EIF2B4: variants seen among roughly 807,000 people sequenced by gnomAD.
EIF2B4 encodes translation initiation factor eIF2B subunit delta.
Under a neutral mutation model 66.7 loss-of-function variants are expected in EIF2B4, and 34 were observed. That is an observed-to-expected ratio of 0.51 (90% CI 0.39 to 0.68). The LOEUF is 0.68. Among genes scored for constraint, EIF2B4 ranks in the 30% least tolerant of loss-of-function variants. EIF2B4 has a pLI of 0.00. For synonymous variants in EIF2B4, 278 were observed against 253.6 expected, an observed-to-expected ratio of 1.10 and a Z score of -0.92; for missense variants, 618 against 657.9, an observed-to-expected ratio of 0.94 and a Z score of 0.66.
At chr2:27,366,643 C>T (rs1681883514) in intron 11 of EIF2B4, 116 bp downstream of exon 11, 1 of 1,258,578 alleles carries the variant, frequency 7.9e-7, no homozygotes, top group Non-Finnish European at 1.2e-6. Context: ...CACGTCGCTG[C>T]ACTCCATCCT....
chr2:27,364,501 C>T lies in EIF2B4; in HGVS notation c.1471G>A (p.Val491Met), dbSNP rs771128051. 1 of 1,614,202 alleles carries T rather than the reference C, an allele frequency of 6.2e-7. No individual in the cohort carries two copies. The highest frequency in any genetic ancestry group is 8.5e-7 in the Non-Finnish European group (1 of 1,180,044). Reference sequence around the variant, plus strand: ...AGATCCACAAGCTCTGGGGGAGTCACATCATAGACTAGATTCAACAACCGT... The same window carrying T: ...AGATCCACAAGCTCTGGGGGAGTCATATCATAGACTAGATTCAACAACCGT... Reference protein sequence around the residue: ...SLRLLNLVYDVTPPELVDLVI... With the variant: ...SLRLLNLVYDMTPPELVDLVI... Residue 491 changes from valine to methionine, a missense_variant, in exon 13 of 13, where the codon GTG becomes ATG. Around this residue, in one of 4 missense-constraint regions of EIF2B4, gnomAD observed 63 missense variants for 47.5 expected, o/e 1.33. Coordinates refer to ENST00000347454, the MANE Select transcript of EIF2B4 (RefSeq NM_001034116.2).
At position 27,366,835 on chromosome 2, in the gene EIF2B4, G is replaced by A; in HGVS notation, c.1115C>T (p.Thr372Ile). Residue 372 changes from threonine to isoleucine, a missense_variant, in exon 11 of 13, where the codon ACA (threonine) becomes ATA (isoleucine). By Grantham distance (89) the Thr-to-Ile change is moderately conservative (BLOSUM62 -1). Transcript: ENST00000347454. ...ACCAGCATGGACTAGAGAACGTAGT[G>A]TGTGCCTTCCTTCCAGCCATGGCCG... ...DSRPWLEGRH[T>I]LRSLVHAGVP... The A allele has an allele frequency of 1.9e-6, 3 of 1,614,222 alleles. No homozygotes were observed. The highest frequency in any genetic ancestry group is 2.2e-5 in the East Asian group (1 of 44,888).
intron 1 of EIF2B4, 77 bp downstream of exon 1, chr2:27,370,207 G>A: frequency 6.5e-7 from 1 of 1,538,728 alleles, no homozygotes; most frequent in Non-Finnish European, 8.7e-7. Flanking sequence ...GGGCCCAAAG[G>A]CGCTCAAGGC....
At chr2:27,368,317 T>C in intron 6 of EIF2B4, 55 bp downstream of exon 6, 1 of 1,509,038 alleles carries the variant, frequency 6.6e-7, no homozygotes, top group Non-Finnish European at 9.2e-7. Flanking sequence ...CTTTCAATAC[T>C]GACTTACTAA....
Position 27,369,933 on chromosome 2 carries a change from C to T in EIF2B4, c.32-14G>A. 9 of 1,579,304 alleles carry T rather than the reference C, an allele frequency of 5.7e-6. No individual in the cohort carries two copies. Among genetic ancestry groups the T allele is most frequent in the Non-Finnish European group, 7.7e-6 (9 of 1,162,806 alleles). On this transcript the variant is annotated splice_polypyrimidine_tract_variant and intron_variant, in intron 1 of 12. Coordinates refer to ENST00000347454, the MANE Select transcript of EIF2B4 (RefSeq NM_001034116.2). ...CGGATCCCGAGTCTGCATCAGAAAA[C>T]AGGGCACAAAGTGAGCCAGAGAGAC... is the stretch of plus-strand genomic sequence containing the variant.
Position 27,367,487 on chromosome 2 carries a change from G to A in EIF2B4, c.855C>T (p.Thr285=). 6.2e-7 allele frequency: 1 copy of A among 1,614,054 alleles called. No homozygotes were observed. Among genetic ancestry groups the A allele is most frequent in the Non-Finnish European group, 8.5e-7 (1 of 1,180,028 alleles). Residue 285 remains threonine (T), a synonymous_variant, in exon 9 of 13, where the codon ACC becomes ACT. Coordinates refer to ENST00000347454, the MANE Select transcript of EIF2B4 (RefSeq NM_001034116.2). ...CTTCCCGCTTGGAACTGCCCACACT[G>A]GTGATTTCCTTGTTAAGGAACTTGA... ...NAIKFLNKEI[T]SVGSSKREEE...
chr2:27,367,516 CGTT>C lies in EIF2B4; in HGVS notation c.823_825del (p.Asn275del). 6.2e-7 allele frequency: 1 copy of C among 1,614,100 alleles called. No individual in the cohort carries two copies. Among genetic ancestry groups the C allele is most frequent in the South Asian group, 1.1e-5 (1 of 91,078 alleles). Reference sequence around the variant, plus strand: ...ATTTCCTTGTTAAGGAACTTGATGGCGTTGTGCATGCTCGCTGACAGGGGACGG... The same window carrying C: ...ATTTCCTTGTTAAGGAACTTGATGGCGTGCATGCTCGCTGACAGGGGACGG... On this transcript the variant is annotated inframe_deletion, in exon 9 of 13. Coordinates refer to ENST00000347454, the MANE Select transcript of EIF2B4 (RefSeq NM_001034116.2).
chr2:27,364,646 T>C (rs765643750), intron 12 of EIF2B4, 47 bp from the exon 13 acceptor site: 7 of 1,614,144 alleles, frequency 4.3e-6, no homozygotes, highest in Non-Finnish European at 4.2e-6. Flanking sequence ...AAAGAAGTTC[T>C]AGTTTATCCG....
chr2:27,364,506 T>C lies in EIF2B4; in HGVS notation c.1466A>G (p.Tyr489Cys). Residue 489 changes from tyrosine to cysteine, a missense_variant, in exon 13 of 13, where the codon TAT (tyrosine) becomes TGT (cysteine). Physicochemically the swap from Tyr to Cys is radical, Grantham distance 194. Around this residue, in one of 4 missense-constraint regions of EIF2B4, gnomAD observed 63 missense variants for 47.5 expected, o/e 1.33. Coordinates refer to ENST00000347454, the MANE Select transcript of EIF2B4 (RefSeq NM_001034116.2). ...HASLRLLNLV[Y>C]DVTPPELVDL... is the part of the protein sequence containing the mutation. ...CACAAGCTCTGGGGGAGTCACATCATAGACTAGATTCAACAACCGTAGGGA... is the reference window on the plus strand; with the variant it reads ...CACAAGCTCTGGGGGAGTCACATCACAGACTAGATTCAACAACCGTAGGGA... 1.9e-6 allele frequency: 3 copies of C among 1,614,176 alleles called. No individual in the cohort carries two copies. Among genetic ancestry groups the C allele is most frequent in the Non-Finnish European group, 1.7e-6 (2 of 1,180,028 alleles).
chr2:27,368,293 C>G (rs1231154939), intron 6 of EIF2B4, 79 bp downstream of exon 6: 30 of 1,418,078 alleles, frequency 2.1e-5, no homozygotes, highest in Non-Finnish European at 2.6e-5. Context: ...GAGTCCATCT[C>G]AGATTACTAG....
chr2:27,369,382 C>T (rs1190814111), intron 3 of EIF2B4, 32 bp downstream of exon 3: 3 of 1,613,752 alleles, frequency 1.9e-6, no homozygotes, highest in Non-Finnish European at 2.5e-6. Context: ...CAGCTCCACA[C>T]CCCAGCCCTT....
chr2:27,367,094 A>G lies in EIF2B4; in HGVS notation c.993T>C (p.Asp331=). 2 of 1,614,230 alleles carry G rather than the reference A, an allele frequency of 1.2e-6. No homozygotes were observed. Among genetic ancestry groups the G allele is most frequent in the Non-Finnish European group, 1.7e-6 (2 of 1,180,050 alleles). Residue 331 remains aspartate (D), a synonymous_variant, in exon 10 of 13, where the codon GAT becomes GAC. Transcript: ENST00000347454. Reference sequence around the variant, plus strand: ...CATACCATCCATATACCAGGATCACATCTCCATTACTGATCTTCTGGTAAG... The same window carrying G: ...CATACCATCCATATACCAGGATCACGTCTCCATTACTGATCTTCTGGTAAG... ...RFAYQKISNG[D]VILVYGCSSL...
At position 27,364,525 on chromosome 2, in the gene EIF2B4, G is replaced by A. The variant is rs113994039; in HGVS notation, c.1447C>T (p.Arg483Trp). The A allele has an allele frequency of 3.1e-6, 5 of 1,614,170 alleles. No individual in the cohort carries two copies. The highest frequency in any genetic ancestry group is 2.2e-5 in the East Asian group (1 of 44,890). Residue 483 changes from arginine to tryptophan, a missense_variant, in exon 13 of 13, where the codon CGG (arginine) becomes TGG (tryptophan). Physicochemically the swap from Arg to Trp is moderately radical, Grantham distance 101. Around this residue, in one of 4 missense-constraint regions of EIF2B4, gnomAD observed 63 missense variants for 47.5 expected, o/e 1.33. Coordinates refer to ENST00000347454, the MANE Select transcript of EIF2B4 (RefSeq NM_001034116.2). ...LANWQNHASL[R>W]LLNLVYDVTP... ...ACATCATAGACTAGATTCAACAACC[G>A]TAGGGATGCGTGGTTCTGCCAGTTA... is the stretch of plus-strand genomic sequence containing the variant.
chr2:27,367,298 A>G (rs147681314), intron 9 of EIF2B4, 97 bp from the exon 10 acceptor site: 16,547 of 1,592,356 alleles, frequency 0.01, 134 homozygotes, highest in Middle Eastern at 0.038. Context: ...TGACAAGCCT[A>G]TAGAGGGCTC....
At chr2:27,367,717 T>C in intron 8 of EIF2B4, 29 bp downstream of exon 8, 1 of 1,600,308 alleles carries the variant, frequency 6.2e-7, no homozygotes, top group Non-Finnish European at 8.6e-7. Flanking sequence ...TTGGGCGAGC[T>C]GGGAGTGGAC....
intron 1 of EIF2B4, 113 bp from the exon 2 acceptor site, chr2:27,370,032 A>G (rs764517220): frequency 1.3e-6 from 2 of 1,512,468 alleles, no homozygotes; most frequent in Non-Finnish European, 1.8e-6. Context: ...ATCCGCCGGC[A>G]GGCGCGAGGC....
Position 27,369,010 on chromosome 2 carries a change from G to C in EIF2B4, c.414C>G (p.Pro138=), listed in dbSNP as rs755723756. ...KASPSTAGET[P]SGVKRLPEYP... is the part of the protein sequence containing the mutation. ...CTTAAAATGAAGGGAAGATACCTGA[G>C]GGGGTTTCTCCAGCTGTGCTGGGGC... The change falls in exon 4 of 13, where the codon CCC becomes CCG. Residue 138 remains proline (P), a synonymous_variant. Coordinates refer to ENST00000347454, the MANE Select transcript of EIF2B4 (RefSeq NM_001034116.2). 1.9e-6 allele frequency: 3 copies of C among 1,614,142 alleles called. No individual in the cohort carries two copies. The East Asian group carries it at 6.7e-5, about 36-fold the overall frequency.
At position 27,364,585 on chromosome 2, in the gene EIF2B4, G is replaced by T. The variant is rs768318439; in HGVS notation, c.1387C>A (p.Leu463Met). The change falls in exon 13 of 13, where the codon CTG (leucine) becomes ATG (methionine). Residue 463 changes from leucine to methionine, a missense_variant. This residue lies in a region of EIF2B4 where 63 missense variants were observed against 47.5 expected (regional missense o/e 1.33). Transcript: ENST00000347454. ...VSNELDDPDDLQCKRGEHVAL... is the reference protein window; with the variant it reads ...VSNELDDPDDMQCKRGEHVAL... ...ACATGTTCTCCCCGCTTACATTGCA[G>T]ATCATCAGGGTCATCTGCAATGGAA... 6.2e-7 allele frequency: 1 copy of T among 1,614,122 alleles called. No individual in the cohort carries two copies. The highest frequency in any genetic ancestry group is 1.3e-5 in the African/African-American group (1 of 74,940).
At position 27,369,452 on chromosome 2, in the gene EIF2B4, G is replaced by C. The variant is rs1264917844; in HGVS notation, c.173C>G (p.Pro58Arg). 1.5e-5 allele frequency: 25 copies of C among 1,614,040 alleles called. No individual in the cohort carries two copies. The highest frequency in any genetic ancestry group is 1.9e-5 in the Non-Finnish European group (22 of 1,180,018). ...TGCAGATACAGCAGAGCCAGTCTCT[G>C]GTTCTGCCCCCTTTTCTTCCTTCCG... ...KKRKEEKGAE[P>R]ETGSAVSAAQ... The change falls in exon 3 of 13, where the codon CCA becomes CGA. Residue 58 changes from proline (P) to arginine (R), a missense_variant. Transcript: ENST00000347454.
Sources: allele counts gnomAD v4.1 joint callset, GRCh38; gene constraint gnomAD v4.1.1; regional missense constraint gnomAD v4.1.1; transcripts MANE v1.5; gene names NCBI Gene and HGNC (gene_info 2026-07-23, HGNC 2026-07-21).